GRK3: variants seen among roughly 807,000 people sequenced by gnomAD.
GRK3 encodes adrenergic, beta, receptor kinase 2.
A neutral mutation model predicts 95.7 loss-of-function variants in GRK3; 54 were observed. That is an observed-to-expected ratio of 0.56 (90% CI 0.45 to 0.71). The LOEUF is 0.71. Among genes scored for constraint, GRK3 ranks in the 30% least tolerant of loss-of-function variants. The pLI is 0.00. For synonymous variants in GRK3, 281 were observed against 290.8 expected (o/e 0.97, Z 0.34); for missense variants, 649 against 851.2 (o/e 0.76, Z 2.96).
intron 4 of GRK3, among the ~76,000 whole-genome samples, chr22:25,662,758 G>A (rs1364762596): frequency 1.3e-5 from 2 of 152,136 alleles, no homozygotes; most frequent in African/African-American, 2.4e-5. Flanking sequence ...GAAAGCCTCC[G>A]TAAACTTAGT....
intron 1 of GRK3, among the ~76,000 whole-genome samples, chr22:25,597,739 G>GT (rs2084381649): frequency 6.6e-6 from 1 of 152,174 alleles, no homozygotes. Flanking sequence ...AAAACAAAAT[G>GT]TATGTACAGA....
intron 1 of GRK3, among the ~76,000 whole-genome samples, chr22:25,573,089 T>G (rs980942220): frequency 6.6e-6 from 1 of 152,234 alleles, no homozygotes; most frequent in African/African-American, 2.4e-5. Flanking sequence ...GTTCCTCAAA[T>G]GTGACAGATC....
At chr22:25,642,848 T>G (rs1471399861) in intron 2 of GRK3, among the ~76,000 whole-genome samples, 1 of 152,200 alleles carries the variant, frequency 6.6e-6, no homozygotes, top group Non-Finnish European at 1.5e-5. Flanking sequence ...TTCTTTTAAA[T>G]GAAACACTCC....
rs1040692047 is a variant in GRK3 at position 25,615,442 on chromosome 22, T to C, written c.190+10989T>C. Among the ~76,000 whole-genome samples the C allele has an allele frequency of 2.4e-4, 36 of 152,296 alleles. 1 individual carries two copies. Among genetic ancestry groups the C allele is most frequent in the South Asian group, 1.2e-3 (6 of 4,824 alleles). On this transcript the variant is annotated intron_variant, in intron 2 of 20. Coordinates refer to ENST00000324198, the MANE Select transcript of GRK3 (RefSeq NM_005160.4). ...TGTCATAATATCTTCTGGTTTTAGA[T>C]TTTTTTGGAGATAGCTTTTCTGATG... is the stretch of plus-strand genomic sequence containing the variant.
intron 2 of GRK3, among the ~76,000 whole-genome samples, chr22:25,609,978 G>A (rs1395445156): frequency 6.6e-6 from 1 of 151,298 alleles, no homozygotes; most frequent in Non-Finnish European, 1.5e-5. Flanking sequence ...CTCCCGAGTA[G>A]CTGGGATTAC....
intron 8 of GRK3, among the ~76,000 whole-genome samples, chr22:25,677,225 C>G (rs1313350439): frequency 3.3e-5 from 5 of 150,904 alleles, no homozygotes; most frequent in Non-Finnish European, 7.4e-5. Context: ...ATTAGATGGG[C>G]CTGGTGACAG....
At chr22:25,647,699 A>G in intron 3 of GRK3, 3 of 1,354,528 alleles carry the variant, frequency 2.2e-6, no homozygotes, top group Non-Finnish European at 3.2e-6. Context: ...CTGAGCAGTT[A>G]TGTAGCGCCT....
chr22:25,719,969 G>T (rs899875677), intron 19 of GRK3, among the ~76,000 whole-genome samples: 2 of 152,134 alleles, frequency 1.3e-5, no homozygotes, highest in African/African-American at 4.8e-5. Context: ...CATCACTCCT[G>T]CCATCGAAGT....
In GRK3 at chr22:25,573,475, G is replaced by T. The variant is rs528503360; in HGVS notation, c.113+8322G>T. Among the ~76,000 whole-genome samples, 5 of 152,272 alleles carry T rather than the reference G, an allele frequency of 3.3e-5. No individual in the cohort carries two copies. The East Asian group carries it at 7.7e-4, about 23-fold the overall frequency. On this transcript the variant is annotated intron_variant, in intron 1 of 20. Transcript: ENST00000324198. ...CAGGTATGGGTTACATGTGTATTAT[G>T]ACAACAGCTGCCATTGCTGACTGCT...
At chr22:25,565,217 C>A in intron 1 of GRK3, 64 bp downstream of exon 1, 1 of 868,350 alleles carries the variant, frequency 1.2e-6, no homozygotes, top group East Asian at 3.6e-5. Flanking sequence ...CAGCTACCCC[C>A]TGCTTCCTGG....
intron 4 of GRK3, among the ~76,000 whole-genome samples, chr22:25,663,410 C>G (rs1253932714): frequency 6.6e-6 from 1 of 152,176 alleles, no homozygotes; most frequent in Non-Finnish European, 1.5e-5. Context: ...CATGGTCATT[C>G]TTCTGGGCAT....
intron 3 of GRK3, among the ~76,000 whole-genome samples, chr22:25,652,385 A>G (rs1266971873): frequency 6.6e-6 from 1 of 152,194 alleles, no homozygotes; most frequent in Non-Finnish European, 1.5e-5. Context: ...AAAATGATCC[A>G]GATGGAGATG....
At position 25,714,405 on chromosome 22, in the gene GRK3, C is replaced by G. The variant is rs2085367165; in HGVS notation, c.1492-3C>G. On this transcript the variant is annotated splice_region_variant and splice_polypyrimidine_tract_variant and intron_variant, in intron 17 of 20. Coordinates refer to ENST00000324198, the MANE Select transcript of GRK3 (RefSeq NM_005160.4). ...AAATATCTTGATTTCTTAAAATAATCAGCTACTTGATTGCGACCAAGAACT... is the reference window on the plus strand; with the variant it reads ...AAATATCTTGATTTCTTAAAATAATGAGCTACTTGATTGCGACCAAGAACT... The G allele has an allele frequency of 6.3e-7, 1 of 1,592,676 alleles. No homozygotes were observed. The highest frequency in any genetic ancestry group is 8.5e-7 in the Non-Finnish European group (1 of 1,173,306).
intron 2 of GRK3, among the ~76,000 whole-genome samples, chr22:25,634,139 G>A (rs1338754332): frequency 5.9e-5 from 9 of 152,186 alleles, no homozygotes; most frequent in Admixed American, 5.9e-4. Flanking sequence ...TCTTAGAGTT[G>A]AAAAAATTCT....
intron 3 of GRK3, chr22:25,647,311 T>C (rs547943900): frequency 3.3e-6 from 4 of 1,213,726 alleles, no homozygotes; most frequent in East Asian, 4.7e-5. Flanking sequence ...ATTAAATACC[T>C]GAAAATACTC....
At chr22:25,718,107 C>T (rs1225724685) in intron 18 of GRK3, 138 bp from the exon 19 acceptor site, 22 of 896,778 alleles carry the variant, frequency 2.5e-5, no homozygotes, top group Non-Finnish European at 3.3e-5. Flanking sequence ...AAACTAAAAT[C>T]GTGACTTCTG....
intron 1 of GRK3, among the ~76,000 whole-genome samples, chr22:25,591,547 C>T (rs750740052): frequency 2.0e-4 from 30 of 152,050 alleles, no homozygotes; most frequent in Non-Finnish European, 3.2e-4. Flanking sequence ...AGAAGCCCAC[C>T]AAGAGTCAGC....
chr22:25,655,149 C>T (rs537766778), intron 3 of GRK3, among the ~76,000 whole-genome samples: 18 of 152,228 alleles, frequency 1.2e-4, no homozygotes, highest in African/African-American at 4.1e-4. Context: ...TTGAAATGTA[C>T]ATTTTGTACA....
rs115031980 is a variant in GRK3, at chr22:25,661,331, G to A, written c.265-245G>A. ...GGCAGTGTGTGTTTCCTAATATTAT[G>A]TTTCTACATTTAAGTGATGAGAGTC... On this transcript the variant is annotated intron_variant, in intron 3 of 20. Coordinates refer to ENST00000324198, the MANE Select transcript of GRK3 (RefSeq NM_005160.4). 5.2e-3 allele frequency among the ~76,000 whole-genome samples: 785 copies of A among 152,198 alleles called. 5 individuals are homozygous for A. The highest frequency in any genetic ancestry group is 0.018 in the African/African-American group (743 of 41,516).
Sources: gnomAD v4.1 joint callset for allele counts (sites outside exome capture counted in the v4.1 genomes callset) on GRCh38, gnomAD v4.1.1 for gene constraint, MANE v1.5 for transcripts, NCBI Gene and HGNC (gene_info 2026-07-23, HGNC 2026-07-21) for gene names.